The following ZNF804B variants were observed in gnomAD, a reference collection of about 807,000 sequenced individuals.
ZNF804B encodes zinc finger 804B.
In ZNF804B, 80 loss-of-function variants were observed where a neutral mutation model predicts 101.4. The ratio of observed to expected loss-of-function variants is 0.79; its 90% CI spans 0.66 to 0.95. The LOEUF is 0.95. Among genes scored for constraint, ZNF804B ranks in the 40% least tolerant of loss-of-function variants. ZNF804B has a pLI of 0.00. For synonymous variants in ZNF804B, 622 were observed against 558.8 expected, an observed-to-expected ratio of 1.11 and a Z score of -1.59; for missense variants, 1,673 against 1,561.9, an observed-to-expected ratio of 1.07 and a Z score of -1.20.
At chr7:88,784,399 T>C (rs1265370932) in intron 1 of ZNF804B, among the ~76,000 whole-genome samples, 1 of 152,134 alleles carries the variant, frequency 6.6e-6, no homozygotes, top group African/African-American at 2.4e-5. Context: ...GCTGTGTACA[T>C]AGTCACTCGG....
chr7:89,329,094 G>A (rs1209307292), intron 3 of ZNF804B, among the ~76,000 whole-genome samples: 3 of 151,670 alleles, frequency 2.0e-5, no homozygotes, highest in Non-Finnish European at 4.4e-5. Flanking sequence ...ACTCTATTAA[G>A]TTTCAGCTGT....
Position 89,336,544 on chromosome 7 carries a change from G to A in ZNF804B, c.3562G>A (p.Ala1188Thr). The change falls in exon 4 of 4, where the codon GCC becomes ACC. Residue 1188 changes from alanine to threonine, a missense_variant. Transcript: ENST00000333190. ...LRVLPAAGPTAFSPASTVQTV... is the reference protein window; with the variant it reads ...LRVLPAAGPTTFSPASTVQTV... ...AGTTTTGCCTGCTGCAGGGCCTACT[G>A]CCTTCTCTCCGGCCTCAACCGTACA... The A allele has an allele frequency of 6.2e-7, 1 of 1,614,020 alleles. No homozygotes were observed. Among genetic ancestry groups the A allele is most frequent in the Non-Finnish European group, 8.5e-7 (1 of 1,180,004 alleles).
chr7:89,025,471 G>A (rs989217196), intron 1 of ZNF804B, among the ~76,000 whole-genome samples: 1 of 151,998 alleles, frequency 6.6e-6, no homozygotes, highest in Non-Finnish European at 1.5e-5. Flanking sequence ...TATGTTTAAT[G>A]TTTCAAAAGC....
At chr7:89,330,296 T>C (rs933519284) in intron 3 of ZNF804B, among the ~76,000 whole-genome samples, 1 of 151,626 alleles carries the variant, frequency 6.6e-6, no homozygotes, top group African/African-American at 2.4e-5. Context: ...GTTTTGAGGA[T>C]CTAATGTAGA....
chr7:89,020,828 T>C (rs1788654889), intron 1 of ZNF804B, among the ~76,000 whole-genome samples: 1 of 152,188 alleles, frequency 6.6e-6, no homozygotes, highest in Non-Finnish European at 1.5e-5. Flanking sequence ...TTTTATGATG[T>C]CTATTTCTTG....
rs201520424 is a variant in ZNF804B, at chr7:89,124,805, A to AT, written c.109-93340dup. On this transcript the variant is annotated intron_variant, in intron 1 of 3. Coordinates refer to ENST00000333190, the MANE Select transcript of ZNF804B (RefSeq NM_181646.5). ...GAGGATCTTGTTGGTGACTAATAGA[A>AT]TTTTTTTTTTCAGTTCTTGATAACT... Among the ~76,000 whole-genome samples, 1,451 of 150,490 alleles carry AT rather than the reference A, an allele frequency of 9.6e-3. 7 individuals are homozygous for AT. The highest frequency in any genetic ancestry group is 0.012 in the Admixed American group (184 of 15,044).
intron 2 of ZNF804B, among the ~76,000 whole-genome samples, chr7:89,300,727 C>T (rs1790459039): frequency 6.6e-6 from 1 of 151,898 alleles, no homozygotes; most frequent in South Asian, 2.1e-4. Flanking sequence ...TGTGTGATAT[C>T]ACAGACCATT....
At chr7:89,154,036 GA>G (rs933168308) in intron 1 of ZNF804B, among the ~76,000 whole-genome samples, 1 of 139,874 alleles carries the variant, frequency 7.1e-6, no homozygotes, top group African/African-American at 2.6e-5. Flanking sequence ...AAATCCATAG[GA>G]AAAAATCTAA....
intron 1 of ZNF804B, chr7:88,794,489 T>C: frequency 6.2e-7 from 1 of 1,613,958 alleles, no homozygotes; most frequent in Non-Finnish European, 8.5e-7. Flanking sequence ...ACTGGAACTT[T>C]TATCACTGAA....
chr7:88,770,872 A>G (rs865990544), intron 1 of ZNF804B, among the ~76,000 whole-genome samples: 10 of 152,220 alleles, frequency 6.6e-5, no homozygotes, highest in Non-Finnish European at 1.5e-4. Flanking sequence ...ATTTGTGAGA[A>G]CAAAGAACAT....
chr7:89,299,481 A>G (rs1158382573), intron 2 of ZNF804B, among the ~76,000 whole-genome samples: 3 of 152,122 alleles, frequency 2.0e-5, no homozygotes, highest in African/African-American at 4.8e-5. Context: ...GATTCTGATT[A>G]CTATTTCAGT....
intron 2 of ZNF804B, among the ~76,000 whole-genome samples, chr7:89,279,048 C>A (rs1376215484): frequency 6.6e-6 from 1 of 152,178 alleles, no homozygotes; most frequent in African/African-American, 2.4e-5. Context: ...TTGTAGTTCT[C>A]CTTGAAGAGG....
chr7:88,812,334 G>T (rs946964648), intron 1 of ZNF804B, among the ~76,000 whole-genome samples: 1 of 152,048 alleles, frequency 6.6e-6, no homozygotes, highest in Non-Finnish European at 1.5e-5. Context: ...CATCCATTAC[G>T]ATGGCTACTA....
At chr7:88,877,026 A>AATATATATATATATATATATATATAAT (rs1231449305) in intron 1 of ZNF804B, among the ~76,000 whole-genome samples, 2 of 41,102 alleles carry the variant, frequency 4.9e-5, no homozygotes, top group African/African-American at 1.7e-4. Flanking sequence ...ATATATATAT[A>AATATATATATATATATATATATATAAT]ATATATATAT....
At chr7:88,991,131 G>A (rs1793838925) in intron 1 of ZNF804B, among the ~76,000 whole-genome samples, 1 of 152,078 alleles carries the variant, frequency 6.6e-6, no homozygotes, top group African/African-American at 2.4e-5. Flanking sequence ...CTACTTTTAG[G>A]TACAGAGGAA....
intron 1 of ZNF804B, among the ~76,000 whole-genome samples, chr7:88,818,133 C>G (rs1720720637): frequency 6.6e-6 from 1 of 152,070 alleles, no homozygotes; most frequent in Non-Finnish European, 1.5e-5. Context: ...TCCCTGGAAC[C>G]TATTTTTAAA....
intron 2 of ZNF804B, among the ~76,000 whole-genome samples, chr7:89,300,375 C>G (rs1472821676): frequency 6.6e-6 from 1 of 150,486 alleles, no homozygotes; most frequent in East Asian, 1.9e-4. Flanking sequence ...TTTTTTTAAC[C>G]TGGAACACTC....
At chr7:88,905,792 A>G (rs1464073465) in intron 1 of ZNF804B, among the ~76,000 whole-genome samples, 1 of 151,668 alleles carries the variant, frequency 6.6e-6, no homozygotes, top group Admixed American at 6.6e-5. Context: ...AGTTAGGGAT[A>G]AGCTCCTTCT....
chr7:88,900,625 A>G (rs1792374514), intron 1 of ZNF804B, among the ~76,000 whole-genome samples: 1 of 150,080 alleles, frequency 6.7e-6, no homozygotes, highest in East Asian at 1.9e-4. Context: ...TTTATTATTG[A>G]GGAGTATGCA....
Sources: allele counts gnomAD v4.1 joint callset (sites outside exome capture counted in the v4.1 genomes callset), GRCh38; gene constraint gnomAD v4.1.1; transcripts MANE v1.5; gene names NCBI Gene and HGNC (gene_info 2026-07-23, HGNC 2026-07-21).